ENKUR: variants seen among roughly 807,000 people sequenced by gnomAD.
ENKUR encodes enkurin, TRPC channel interacting protein, also known as enkurin.
In ENKUR, 19 loss-of-function variants were observed where a neutral mutation model predicts 27.6. The ratio of observed to expected loss-of-function variants is 0.69; its 90% CI spans 0.48 to 1.01. ENKUR has a LOEUF of 1.01. Ranked by LOEUF, ENKUR falls within the 50% of genes least tolerant of loss-of-function variation. The pLI, the probability that ENKUR is intolerant of heterozygous loss-of-function variation, is 0.00. For missense variants in ENKUR, 312 were observed against 310.5 expected, an observed-to-expected ratio of 1.00 and a Z score of -0.04; for synonymous variants, 117 against 96.9, an observed-to-expected ratio of 1.21 and a Z score of -1.22.
intron 1 of ENKUR, among the ~76,000 whole-genome samples, chr10:25,000,225 T>G (rs1238853716): frequency 6.6e-6 from 1 of 152,174 alleles, no homozygotes; most frequent in African/African-American, 2.4e-5. Flanking sequence ...TTTCTGACAT[T>G]TGTTTTATGG....
intron 2 of ENKUR, among the ~76,000 whole-genome samples, chr10:24,996,186 G>A (rs757228412): frequency 2.0e-5 from 3 of 152,162 alleles, no homozygotes; most frequent in African/African-American, 2.4e-5. Context: ...GGTGGCCCAC[G>A]GTGACGTGGG....
chr10:24,995,854 C>T lies in ENKUR; in HGVS notation c.239G>A (p.Arg80Gln), dbSNP rs546878602. The T allele has an allele frequency of 3.0e-5, 48 of 1,603,312 alleles. No individual in the cohort carries two copies. Among genetic ancestry groups the T allele is most frequent in the East Asian group, 4.5e-5 (2 of 44,802 alleles). ...KTLPPKKNFDRNVPKKPAVPL... is the reference protein window; with the variant it reads ...KTLPPKKNFDQNVPKKPAVPL... Reference sequence around the variant, plus strand: ...CACAGCAGGCTTTTTGGGCACGTTCCGATCAAAGTTTTTTTCTGTTAAATA... The same window carrying T: ...CACAGCAGGCTTTTTGGGCACGTTCTGATCAAAGTTTTTTTCTGTTAAATA... Residue 80 changes from arginine (R) to glutamine (Q), a missense_variant, in exon 3 of 6, where the codon CGG becomes CAG. Coordinates refer to ENST00000331161, the MANE Select transcript of ENKUR (RefSeq NM_145010.4).
At position 24,995,834 on chromosome 10, in the gene ENKUR, C is replaced by T; in HGVS notation, c.259G>A (p.Ala87Thr). The T allele has an allele frequency of 6.2e-7, 1 of 1,611,972 alleles. No individual in the cohort carries two copies. Among genetic ancestry groups the T allele is most frequent in the Non-Finnish European group, 8.5e-7 (1 of 1,179,612 alleles). Residue 87 changes from alanine to threonine, a missense_variant, in exon 3 of 6, where the codon GCT (alanine) becomes ACT (threonine). Physicochemically the swap from Ala to Thr is moderately conservative, Grantham distance 58. Coordinates refer to ENST00000331161, the MANE Select transcript of ENKUR (RefSeq NM_145010.4). ...NFDRNVPKKP[A>T]VPLKTDHPVM... Reference sequence around the variant, plus strand: ...GGATGATCAGTCTTCAATGGCACAGCAGGCTTTTTGGGCACGTTCCGATCA... The same window carrying T: ...GGATGATCAGTCTTCAATGGCACAGTAGGCTTTTTGGGCACGTTCCGATCA...
intron 3 of ENKUR, among the ~76,000 whole-genome samples, chr10:24,990,987 C>A (rs1161146733): frequency 6.6e-6 from 1 of 152,194 alleles, no homozygotes; most frequent in Non-Finnish European, 1.5e-5. Flanking sequence ...GTAGTCCCAG[C>A]TATTCGGGTG....
At chr10:24,988,242 ATATATATATGTGTATATATATATT>A (rs1366489618) in intron 4 of ENKUR, among the ~76,000 whole-genome samples, 2,331 of 144,996 alleles carry the variant, frequency 0.016, 71 homozygotes, top group African/African-American at 0.055. Context: ...ATGTATATAT[ATATATATATGTGTATATATATATT>A]TATATATATG....
At chr10:25,043,462 T>C (rs1265920591) in intron 2 of ENKUR, among the ~76,000 whole-genome samples, 2 of 152,192 alleles carry the variant, frequency 1.3e-5, no homozygotes, top group African/African-American at 2.4e-5. Context: ...TTCCTGTGTA[T>C]ATAACATCTT....
chr10:25,008,670 A>G (rs1850371038), intron 1 of ENKUR, among the ~76,000 whole-genome samples: 2 of 152,216 alleles, frequency 1.3e-5, no homozygotes, highest in Non-Finnish European at 2.9e-5. Flanking sequence ...TGGGACTGTC[A>G]ACTAGTTCAA....
In ENKUR at chr10:24,999,505, T is replaced by C; in HGVS notation, c.119A>G (p.Gln40Arg). The C allele has an allele frequency of 6.2e-7, 1 of 1,612,962 alleles. No homozygotes were observed. Among genetic ancestry groups the C allele is most frequent in the African/African-American group, 1.3e-5 (1 of 75,022 alleles). ...IFKATVKDDMQKAKTAMKTMG... is the reference protein window; with the variant it reads ...IFKATVKDDMRKAKTAMKTMG... ...AGTTTTCATTGCAGTTTTAGCTTTT[T>C]GCATGTCATCTTTTACAGTTGCCTT... The change falls in exon 2 of 6, where the codon CAA (glutamine) becomes CGA (arginine). Residue 40 changes from glutamine (Q) to arginine (R), a missense_variant. Transcript: ENST00000331161.
intron 1 of ENKUR, among the ~76,000 whole-genome samples, 153 bp downstream of exon 1, chr10:25,015,707 G>A (rs1266337726): frequency 6.6e-6 from 1 of 152,072 alleles, no homozygotes; most frequent in Non-Finnish European, 1.5e-5. Flanking sequence ...TAGATATTTC[G>A]ACCTTTTCTC....
intron 3 of ENKUR, among the ~76,000 whole-genome samples, chr10:24,993,854 G>C (rs1221419680): frequency 1.3e-5 from 2 of 152,202 alleles, no homozygotes; most frequent in African/African-American, 4.8e-5. Context: ...GGGAGGGGCA[G>C]AGTGTGTGAC....
At chr10:25,033,853 A>G (rs1043326223) in intron 2 of ENKUR, among the ~76,000 whole-genome samples, 6 of 149,832 alleles carry the variant, frequency 4.0e-5, no homozygotes, top group African/African-American at 1.5e-4. Context: ...CTATCTATCT[A>G]TCTATCTATC....
intron 3 of ENKUR, among the ~76,000 whole-genome samples, chr10:24,994,702 A>AT (rs1369924160): frequency 1.3e-5 from 2 of 152,202 alleles, no homozygotes; most frequent in South Asian, 2.1e-4. Context: ...ATTAAATAAG[A>AT]TTTTTTGTAA....
intron 2 of ENKUR, among the ~76,000 whole-genome samples, chr10:25,034,774 T>C (rs1277701545): frequency 6.6e-6 from 1 of 152,204 alleles, no homozygotes; most frequent in African/African-American, 2.4e-5. Context: ...TTTCACAGTA[T>C]TCTGTATATT....
intron 1 of ENKUR, among the ~76,000 whole-genome samples, chr10:25,005,462 G>A (rs781154939): frequency 4.0e-5 from 6 of 151,742 alleles, no homozygotes; most frequent in African/African-American, 7.3e-5. Flanking sequence ...GCTTAATTGA[G>A]ATTTTTTTTT....
chr10:24,989,716 A>T (rs1276715058), intron 4 of ENKUR, among the ~76,000 whole-genome samples: 1 of 152,242 alleles, frequency 6.6e-6, no homozygotes, highest in African/African-American at 2.4e-5. Flanking sequence ...CCATTTTTCA[A>T]CAGAGATTAA....
chr10:25,050,931 C>T (rs1328355324), intron 2 of ENKUR, among the ~76,000 whole-genome samples: 1 of 152,132 alleles, frequency 6.6e-6, no homozygotes, highest in Non-Finnish European at 1.5e-5. Context: ...CATGGGTCAC[C>T]TTTGTGCTGA....
chr10:25,008,790 TAA>T (rs376895506), intron 1 of ENKUR, among the ~76,000 whole-genome samples: 3,531 of 152,290 alleles, frequency 0.023, 129 homozygotes, highest in African/African-American at 0.08. Context: ...CATGCTGCTA[TAA>T]AGACACATGC....
intron 2 of ENKUR, among the ~76,000 whole-genome samples, chr10:25,051,125 G>A (rs1022649069): frequency 6.6e-5 from 10 of 152,152 alleles, no homozygotes; most frequent in South Asian, 2.1e-4. Flanking sequence ...ATAAACGACC[G>A]TATAAAACTG....
At chr10:25,008,761 T>C (rs1441294916) in intron 1 of ENKUR, among the ~76,000 whole-genome samples, 1 of 152,198 alleles carries the variant, frequency 6.6e-6, no homozygotes, top group Non-Finnish European at 1.5e-5. Flanking sequence ...ACTGGGTATA[T>C]ACCCAAAGGA....
Sources: gnomAD v4.1 joint callset for allele counts (sites outside exome capture counted in the v4.1 genomes callset) on GRCh38, gnomAD v4.1.1 for gene constraint, MANE v1.5 for transcripts, NCBI Gene and HGNC (gene_info 2026-07-23, HGNC 2026-07-21) for gene names.